Variants in SMARCA2 observed in about 807,000 individuals in gnomAD.
The protein encoded by SMARCA2 is SWI/SNF-related matrix-associated actin-dependent regulator of chromatin subfamily A member 2.
In SMARCA2, 61 loss-of-function variants were observed where a neutral mutation model predicts 199.8. The observed-to-expected ratio is 0.31, with a 90% CI of 0.25 to 0.38. The LOEUF (loss-of-function observed/expected upper bound fraction) is 0.38. SMARCA2 is among the 10% of genes least tolerant of loss of function. The pLI, the probability that SMARCA2 is intolerant of heterozygous loss-of-function variation, is 1.00. For missense variants in SMARCA2, 1,344 were observed against 2,012.2 expected, an observed-to-expected ratio of 0.67 and a Z score of 6.35; for synonymous variants, 935 against 732.0, an observed-to-expected ratio of 1.28 and a Z score of -4.48.
rs143926327 is a variant in SMARCA2 at position 2,070,347 on chromosome 9, G to A, written c.1693-71G>A. ...TAACAATGAAATCCTATTACATACC[G>A]GAGAGTTACCAGGAAGTCCTGTACC... On this transcript the variant is annotated intron_variant, in intron 9 of 33. Transcript: ENST00000349721. 489 of 1,215,038 alleles carry A rather than the reference G, an allele frequency of 4.0e-4. 4 individuals carry two copies. The African/African-American group carries it at 4.8e-3, about 12-fold the overall frequency. 75.3% of individuals were successfully genotyped at this position (1,215,038 alleles called of 1,614,324 possible).
intron 5 of SMARCA2, 129 bp downstream of exon 5, chr9:2,047,613 T>A: frequency 8.9e-7 from 1 of 1,122,594 alleles, no homozygotes; most frequent in East Asian, 3.6e-5. Context: ...CGGAAAACTT[T>A]CATCCACTCC....
chr9:2,088,246 A>G (rs964240232), intron 18 of SMARCA2, among the ~76,000 whole-genome samples: 6 of 152,208 alleles, frequency 3.9e-5, no homozygotes, highest in Admixed American at 2.0e-4. Flanking sequence ...TACTGATAAA[A>G]AACTGGTGGC....
intron 33 of SMARCA2, 188 bp from the exon 34 acceptor site, chr9:2,192,516 G>C: frequency 1.6e-6 from 1 of 627,552 alleles, no homozygotes; most frequent in Admixed American, 2.9e-5. Flanking sequence ...TTTTCAGTAA[G>C]AAAAACTTCT....
At chr9:2,122,783 A>C (rs544558175) in intron 26 of SMARCA2, among the ~76,000 whole-genome samples, 1 of 152,358 alleles carries the variant, frequency 6.6e-6, no homozygotes, top group Non-Finnish European at 1.5e-5. Flanking sequence ...ACAATGATTG[A>C]TGGTCCATTT....
intron 29 of SMARCA2, among the ~76,000 whole-genome samples, chr9:2,171,741 C>G (rs1054513415): frequency 1.5e-4 from 23 of 152,174 alleles, no homozygotes; most frequent in African/African-American, 5.3e-4. Flanking sequence ...ATTTCCACCC[C>G]TAATACCTAG....
intron 9 of SMARCA2, among the ~76,000 whole-genome samples, chr9:2,061,819 C>T (rs1820605677): frequency 6.6e-6 from 1 of 152,162 alleles, no homozygotes; most frequent in African/African-American, 2.4e-5. Flanking sequence ...TTTCAAAAAA[C>T]AATTAATTTC....
chr9:2,106,389 C>A (rs1822755518), intron 23 of SMARCA2, among the ~76,000 whole-genome samples: 1 of 152,192 alleles, frequency 6.6e-6, no homozygotes, highest in Non-Finnish European at 1.5e-5. Flanking sequence ...GATGGATGAA[C>A]TATTCACTGT....
chr9:2,056,734 C>G lies in SMARCA2; in HGVS notation c.1236C>G (p.Ser412=), dbSNP rs759725873. 6.2e-7 allele frequency: 1 copy of G among 1,614,212 alleles called. No individual in the cohort carries two copies. The highest frequency in any genetic ancestry group is 2.2e-5 in the East Asian group (1 of 44,890). ...RDTTLETALN[S]KAYKRSKRQT... is the part of the protein sequence containing the mutation. ...CGACCCTGGAGACGGCTCTCAACTC[C>G]AAAGCATACAAACGGAGCAAGCGCC... The change falls in exon 7 of 34, where the codon TCC becomes TCG. Residue 412 remains serine, a synonymous_variant. Transcript: ENST00000349721. The surrounding 1 kb of genome is among the most constrained non-coding windows in gnomAD (Gnocchi z 4.0).
chr9:2,022,773 TAGGAGAGAC>T (rs1818662626), intron 1 of SMARCA2, among the ~76,000 whole-genome samples: 1 of 152,224 alleles, frequency 6.6e-6, no homozygotes, highest in South Asian at 2.1e-4. Context: ...GGGCCTAACC[TAGGAGAGAC>T]AGGCATATGT....
chr9:2,190,650 C>CAG (rs540289450), intron 32 of SMARCA2, among the ~76,000 whole-genome samples: 2 of 151,868 alleles, frequency 1.3e-5, no homozygotes, highest in Non-Finnish European at 2.9e-5. Flanking sequence ...CACATACACA[C>CAG]AGAGAGAGAG....
Position 2,029,035 on chromosome 9 carries a change from A to G in SMARCA2, c.13A>G (p.Thr5Ala). 6.4e-7 allele frequency: 1 copy of G among 1,551,252 alleles called. No homozygotes were observed. Among genetic ancestry groups the G allele is most frequent in the Non-Finnish European group, 8.7e-7 (1 of 1,147,572 alleles). ...ACAGGAGAGGTAGATGTCCACGCCC[A>G]CAGACCCTGGTGCGATGCCCCACCC... MSTP[T>A]DPGAMPHPGP... Residue 5 changes from threonine to alanine, a missense_variant, in exon 2 of 34, where the codon ACA becomes GCA. Physicochemically the swap from Thr to Ala is moderately conservative, Grantham distance 58 (BLOSUM62 0). Coordinates refer to ENST00000349721, the MANE Select transcript of SMARCA2 (RefSeq NM_003070.5).
chr9:2,158,065 G>A (rs1024836357), intron 27 of SMARCA2, among the ~76,000 whole-genome samples: 4 of 151,164 alleles, frequency 2.6e-5, no homozygotes, highest in Admixed American at 1.3e-4. Context: ...TAATTGAAGA[G>A]GGAGCTAGTT....
At position 2,123,129 on chromosome 9, in the gene SMARCA2, T is replaced by C. The variant is rs939151612; in HGVS notation, c.3763-590T>C. The stretch of plus-strand genomic sequence containing the variant: ...AAGAGCATTCCTCAGACAGTGCCCA[T>C]GAGGTATTGAAAAGTTAGTATATTC... On this transcript the variant is annotated intron_variant, in intron 26 of 33. Transcript: ENST00000349721. The surrounding 1 kb of genome is among the most constrained non-coding windows in gnomAD (Gnocchi z 4.1). 6.6e-6 allele frequency among the ~76,000 whole-genome samples: 1 copy of C among 152,216 alleles called. No homozygotes were observed. Among genetic ancestry groups the C allele is most frequent in the African/African-American group, 2.4e-5 (1 of 41,458 alleles).
At position 2,105,511 on chromosome 9, in the gene SMARCA2, C is replaced by T. The variant is rs534858237; in HGVS notation, c.3292+1342C>T. The stretch of plus-strand genomic sequence containing the variant: ...TCAAGTGATCCACCTGCCTCGGCCT[C>T]CCACAGTGTTGGGATTACAGGCATG... On this transcript the variant is annotated intron_variant, in intron 23 of 33. Coordinates refer to ENST00000349721, the MANE Select transcript of SMARCA2 (RefSeq NM_003070.5). Among the ~76,000 whole-genome samples the T allele has an allele frequency of 1.4e-4, 22 of 152,230 alleles. 1 individual carries two copies. In the South Asian group the frequency reaches 4.6e-3, roughly 32 times the overall value.
intron 7 of SMARCA2, 146 bp from the exon 8 acceptor site, chr9:2,058,145 C>A: frequency 1.4e-6 from 1 of 697,696 alleles, no homozygotes; most frequent in Non-Finnish European, 2.5e-6. Context: ...ACTGCAGAGA[C>A]ACCAGGGCAC....
intron 1 of SMARCA2, among the ~76,000 whole-genome samples, chr9:2,027,417 G>A (rs541495611): frequency 6.6e-6 from 1 of 152,048 alleles, no homozygotes; most frequent in African/African-American, 2.4e-5. Context: ...TCCAGCCTGG[G>A]CAATAGAGAG....
intron 29 of SMARCA2, among the ~76,000 whole-genome samples, chr9:2,174,605 A>C (rs1826432830): frequency 6.6e-6 from 1 of 152,136 alleles, no homozygotes; most frequent in Non-Finnish European, 1.5e-5. Context: ...AAAAGCTTTG[A>C]AGCATTTTAC....
intron 5 of SMARCA2, among the ~76,000 whole-genome samples, chr9:2,048,635 G>A (rs1268010567): frequency 6.6e-6 from 1 of 152,154 alleles, no homozygotes; most frequent in Non-Finnish European, 1.5e-5. Context: ...TAATCTGAAA[G>A]AAATCAGAAT....
chr9:2,157,610 T>G (rs1825433772), intron 27 of SMARCA2: 1 of 329,228 alleles, frequency 3.0e-6, no homozygotes, highest in African/African-American at 2.1e-5. Context: ...CTGGATATCT[T>G]TAGAATTGCT....
Sources: allele counts gnomAD v4.1 joint callset (sites outside exome capture counted in the v4.1 genomes callset), GRCh38; gene constraint gnomAD v4.1.1; non-coding constraint Gnocchi (gnomAD v3.1); transcripts MANE v1.5; gene names NCBI Gene and HGNC (gene_info 2026-07-23, HGNC 2026-07-21).